SAMD3: variants seen among roughly 807,000 people sequenced by gnomAD.
The protein encoded by SAMD3 is sterile alpha motif domain-containing protein 3.
SAMD3 carries 63 observed loss-of-function variants against 58.5 expected under a neutral mutation model. The observed-to-expected ratio is 1.08, with a 90% CI of 0.88 to 1.33. SAMD3 has a LOEUF of 1.33. SAMD3 is among the 40% of genes most tolerant of loss of function. The probability of loss-of-function intolerance (pLI) is 0.00; values close to 1 mark genes in which losing one functional copy is unlikely to be tolerated. For synonymous variants in SAMD3, 220 were observed against 210.3 expected (o/e 1.05, Z -0.40); for missense variants, 604 against 608.4 (o/e 0.99, Z 0.08).
intron 1 of SAMD3, among the ~76,000 whole-genome samples, chr6:130,329,110 G>A (rs1373826070): frequency 6.6e-6 from 1 of 151,376 alleles, no homozygotes; most frequent in African/African-American, 2.4e-5. Context: ...TATATTACAT[G>A]TATATGCCTT....
At chr6:130,157,971 A>T (rs1789944107) in intron 8 of SAMD3, among the ~76,000 whole-genome samples, 1 of 152,130 alleles carries the variant, frequency 6.6e-6, no homozygotes, top group Non-Finnish European at 1.5e-5. Context: ...AATTGCAAAA[A>T]AAACCTTATA....
chr6:130,314,794 T>G (rs1288305347), intron 1 of SAMD3, among the ~76,000 whole-genome samples: 1 of 152,172 alleles, frequency 6.6e-6, no homozygotes, highest in Non-Finnish European at 1.5e-5. Flanking sequence ...TAAAATAAAC[T>G]AAGTGTCCTA....
At chr6:130,297,836 A>T (rs1775619735) in intron 2 of SAMD3, among the ~76,000 whole-genome samples, 1 of 152,198 alleles carries the variant, frequency 6.6e-6, no homozygotes, top group Admixed American at 6.5e-5. Flanking sequence ...AAAAATCAAG[A>T]AAACAGAATT....
chr6:130,337,710 C>T (rs757877126), intron 1 of SAMD3, among the ~76,000 whole-genome samples: 1 of 152,184 alleles, frequency 6.6e-6, no homozygotes, highest in Non-Finnish European at 1.5e-5. Context: ...AGATGAGGAA[C>T]TTACTGGGAA....
At chr6:130,179,605 CAAA>C (rs34174182) in intron 7 of SAMD3, among the ~76,000 whole-genome samples, 18 of 121,284 alleles carry the variant, frequency 1.5e-4, no homozygotes, top group South Asian at 2.6e-4. Context: ...ACTGTCTAGG[CAAA>C]AAAAAAAAAA....
chr6:130,146,185 A>G lies in SAMD3; in HGVS notation c.1024-4T>C. On this transcript the variant is annotated splice_region_variant and splice_polypyrimidine_tract_variant and intron_variant, in intron 9 of 11. Transcript: ENST00000439090. ...GAAGTTGGAATTCTCTGAACATCTG[A>G]CAAAAGAAGAAAGCAATGGATACAT... The G allele has an allele frequency of 6.4e-7, 1 of 1,559,130 alleles. No homozygotes were observed. The highest frequency in any genetic ancestry group is 1.2e-5 in the South Asian group (1 of 81,274).
intron 2 of SAMD3, among the ~76,000 whole-genome samples, chr6:130,259,834 TA>T (rs1774059654): frequency 6.6e-6 from 1 of 152,232 alleles, no homozygotes; most frequent in African/African-American, 2.4e-5. Context: ...AGTACAATGC[TA>T]AAAACAAGAT....
At chr6:130,241,062 G>A (rs1192564373) in intron 2 of SAMD3, among the ~76,000 whole-genome samples, 1 of 152,138 alleles carries the variant, frequency 6.6e-6, no homozygotes, top group East Asian at 1.9e-4. Context: ...GTAGCCCCTG[G>A]CCAAAGGAGG....
At chr6:130,288,477 C>T (rs1376433549) in intron 2 of SAMD3, among the ~76,000 whole-genome samples, 1 of 152,162 alleles carries the variant, frequency 6.6e-6, no homozygotes, top group Non-Finnish European at 1.5e-5. Context: ...AGCTTCATAG[C>T]AACAGCTAGA....
chr6:130,250,147 C>T (rs561258563), intron 2 of SAMD3, among the ~76,000 whole-genome samples: 93 of 152,236 alleles, frequency 6.1e-4, no homozygotes, highest in Admixed American at 4.8e-3. Flanking sequence ...TACAGTGAGA[C>T]AGGTTTGGCT....
At chr6:130,237,626 T>C (rs553180317) in intron 2 of SAMD3, among the ~76,000 whole-genome samples, 5 of 152,302 alleles carry the variant, frequency 3.3e-5, no homozygotes, top group Non-Finnish European at 7.4e-5. Context: ...TATGCATTTA[T>C]ACTTCACCTT....
chr6:130,361,677 G>T (rs1279180666), intron 1 of SAMD3, among the ~76,000 whole-genome samples: 1 of 152,206 alleles, frequency 6.6e-6, no homozygotes, highest in Non-Finnish European at 1.5e-5. Context: ...ATGATGTAGT[G>T]AATTTTAAAA....
At chr6:130,274,007 G>A (rs1774682902) in intron 2 of SAMD3, among the ~76,000 whole-genome samples, 1 of 152,008 alleles carries the variant, frequency 6.6e-6, no homozygotes, top group Non-Finnish European at 1.5e-5. Flanking sequence ...ATGCTTCTGT[G>A]TTGCACTTCA....
intron 2 of SAMD3, among the ~76,000 whole-genome samples, chr6:130,268,693 G>A (rs757948040): frequency 2.0e-5 from 3 of 152,120 alleles, no homozygotes; most frequent in Non-Finnish European, 2.9e-5. Context: ...GTAAAGGTTT[G>A]TAGCCTAACA....
At chr6:130,296,951 T>C (rs62433888) in intron 2 of SAMD3, among the ~76,000 whole-genome samples, 25,646 of 152,072 alleles carry the variant, frequency 0.17, 2,420 homozygotes, top group East Asian at 0.36. Flanking sequence ...CCCCTGACAC[T>C]TCAGTGCACC....
intron 2 of SAMD3, among the ~76,000 whole-genome samples, chr6:130,259,356 T>C (rs563242570): frequency 3.1e-4 from 47 of 152,264 alleles, no homozygotes; most frequent in Middle Eastern, 3.4e-3. Context: ...TGTGCAGTGA[T>C]CACATGGTGA....
At chr6:130,353,230 T>C (rs1051939424) in intron 1 of SAMD3, among the ~76,000 whole-genome samples, 4 of 152,186 alleles carry the variant, frequency 2.6e-5, no homozygotes, top group African/African-American at 9.6e-5. Flanking sequence ...CAGCTTTTAT[T>C]TGATAGCTCT....
At chr6:130,237,455 G>C (rs1773201466) in intron 2 of SAMD3, among the ~76,000 whole-genome samples, 1 of 151,992 alleles carries the variant, frequency 6.6e-6, no homozygotes, top group Admixed American at 6.6e-5. Flanking sequence ...GAGCTATCTT[G>C]AAATACTTTT....
intron 9 of SAMD3, among the ~76,000 whole-genome samples, chr6:130,149,238 A>G (rs1788913617): frequency 6.6e-6 from 1 of 152,240 alleles, no homozygotes; most frequent in Non-Finnish European, 1.5e-5. Context: ...GTGAATGGTC[A>G]GCCACAGGAA....
Sources: allele counts gnomAD v4.1 joint callset (sites outside exome capture counted in the v4.1 genomes callset), GRCh38; gene constraint gnomAD v4.1.1; transcripts MANE v1.5; gene names NCBI Gene and HGNC (gene_info 2026-07-23, HGNC 2026-07-21).